The following CAPZA2 variants were observed in gnomAD, a reference collection of about 807,000 sequenced individuals.
CAPZA2 encodes F-actin-capping protein subunit alpha-2.
CAPZA2 carries 13 observed loss-of-function variants against 44.0 expected under a neutral mutation model. The observed-to-expected ratio is 0.30, with a 90% CI of 0.19 to 0.47. The LOEUF (loss-of-function observed/expected upper bound fraction) is 0.47, where lower values mean the gene tolerates loss of function less well. Among genes scored for constraint, CAPZA2 ranks in the 20% least tolerant of loss-of-function variants. The probability of loss-of-function intolerance (pLI) is 1.00; values close to 1 mark genes in which losing one functional copy is unlikely to be tolerated. For missense variants in CAPZA2, 244 were observed against 338.6 expected, an observed-to-expected ratio of 0.72 and a Z score of 2.19; for synonymous variants, 94 against 108.2, an observed-to-expected ratio of 0.87 and a Z score of 0.81.
chr7:116,872,672 C>T (rs904117512), intron 1 of CAPZA2, among the ~76,000 whole-genome samples: 1 of 152,140 alleles, frequency 6.6e-6, no homozygotes, highest in Admixed American at 6.5e-5. Flanking sequence ...TCTCAAAAGA[C>T]ATAGCCATTT....
intron 5 of CAPZA2, chr7:116,904,607 C>A: frequency 2.3e-6 from 1 of 441,866 alleles, no homozygotes; most frequent in East Asian, 3.8e-5. Flanking sequence ...GATTTAAATC[C>A]ATGTAGAAAT....
rs34989681 is a variant in CAPZA2, at chr7:116,921,380, C to CAA, written c.*3526_*3527dup. 75 of 135,950 alleles carry CAA rather than the reference C, an allele frequency of 5.5e-4. No individual in the cohort carries two copies. Among genetic ancestry groups the CAA allele is most frequent in the East Asian group, 2.8e-3 (13 of 4,712 alleles). 8.4% of individuals were successfully genotyped at this position (135,950 alleles called of 1,614,324 possible). A position where few individuals can be genotyped will look rare whatever the true frequency, so the allele number is the denominator to read the frequency against. ...CTGGCGACAGAGCGAGACTCTGTCC[C>CAA]AAAAAAAAAAAAAAGTGGTGGGCTG... On this transcript the variant is annotated 3_prime_UTR_variant, in exon 10 of 10. Coordinates refer to ENST00000361183, the MANE Select transcript of CAPZA2 (RefSeq NM_006136.3).
chr7:116,909,949 T>C (rs1415753629), intron 6 of CAPZA2: 3 of 386,818 alleles, frequency 7.8e-6, no homozygotes, highest in Non-Finnish European at 1.5e-5. Context: ...CAAACAGCAC[T>C]GCACACACAC....
intron 8 of CAPZA2, among the ~76,000 whole-genome samples, chr7:116,914,976 A>G (rs1395796482): frequency 6.6e-6 from 1 of 152,148 alleles, no homozygotes; most frequent in Admixed American, 6.5e-5. Flanking sequence ...GGAGTTTGAC[A>G]TTGAGCGAAG....
intron 1 of CAPZA2, chr7:116,874,599 T>G (rs888479760): frequency 3.9e-5 from 6 of 152,236 alleles, no homozygotes; most frequent in African/African-American, 1.2e-4. Flanking sequence ...GAAGGTGTTT[T>G]TCACTGCAGT....
At chr7:116,913,335 C>T (rs1791622010) in intron 8 of CAPZA2, among the ~76,000 whole-genome samples, 1 of 150,472 alleles carries the variant, frequency 6.6e-6, no homozygotes, top group African/African-American at 2.4e-5. Flanking sequence ...ATTGTCTACC[C>T]AAGGTCGTGG....
chr7:116,867,652 CGGCTCACTGCAA>C (rs1254939758), intron 1 of CAPZA2, among the ~76,000 whole-genome samples: 6 of 149,328 alleles, frequency 4.0e-5, no homozygotes, highest in African/African-American at 1.2e-4. Context: ...GGCACGATCT[CGGCTCACTGCAA>C]CCTCTGTCTC....
chr7:116,916,116 A>G lies in CAPZA2; in HGVS notation c.714A>G (p.Glu238=). 4 of 1,541,510 alleles carry G rather than the reference A, an allele frequency of 2.6e-6. No individual in the cohort carries two copies. Among genetic ancestry groups the G allele is most frequent in the Non-Finnish European group, 3.5e-6 (4 of 1,150,274 alleles). The change falls in exon 9 of 10, where the codon GAA becomes GAG. Residue 238 remains glutamate, a synonymous_variant. Coordinates refer to ENST00000361183, the MANE Select transcript of CAPZA2 (RefSeq NM_006136.3). ...FIKIVEAAEN[E]YQTAISENYQ... ...AGATTGTAGAAGCTGCAGAAAATGA[A>G]TACCAGGTATGATTTTTTAAATATT...
At chr7:116,890,557 TATATATATATA>T (rs1796826054) in intron 2 of CAPZA2, among the ~76,000 whole-genome samples, 1 of 14,314 alleles carries the variant, frequency 7.0e-5, no homozygotes, top group Non-Finnish European at 1.4e-4. Flanking sequence ...TATATATATA[TATATATATATA>T]CACATATATA....
At chr7:116,907,252 C>T (rs762068182) in intron 6 of CAPZA2, among the ~76,000 whole-genome samples, 4 of 152,158 alleles carry the variant, frequency 2.6e-5, no homozygotes, top group Non-Finnish European at 4.4e-5. Flanking sequence ...TGGAGGAATG[C>T]AGATCCATCA....
intron 7 of CAPZA2, among the ~76,000 whole-genome samples, chr7:116,910,696 T>C (rs1006138703): frequency 2.0e-5 from 3 of 152,110 alleles, no homozygotes; most frequent in African/African-American, 7.2e-5. Context: ...ATAAATATAT[T>C]GTATGCATGT....
chr7:116,883,684 A>C (rs987077047), intron 1 of CAPZA2, among the ~76,000 whole-genome samples: 2 of 152,228 alleles, frequency 1.3e-5, no homozygotes, highest in Non-Finnish European at 2.9e-5. Flanking sequence ...TTAGTGCAAC[A>C]GCAAGGGCAA....
chr7:116,868,575 G>T (rs940227263), intron 1 of CAPZA2, among the ~76,000 whole-genome samples: 4 of 152,058 alleles, frequency 2.6e-5, no homozygotes, highest in East Asian at 3.9e-4. Context: ...TGTACTAAAA[G>T]TACAAAAAAT....
In CAPZA2 at chr7:116,904,167, A is replaced by T. The variant is rs751479961; in HGVS notation, c.220-10A>T. On this transcript the variant is annotated splice_polypyrimidine_tract_variant and intron_variant, in intron 4 of 9. Transcript: ENST00000361183. The stretch of plus-strand genomic sequence containing the variant: ...TTTATTTTTTTTCTAAATTCATTCC[A>T]TCATCAAAGGTATTGATAACAGAAC... The T allele has an allele frequency of 1.3e-5, 20 of 1,536,264 alleles. No individual in the cohort carries two copies. Among genetic ancestry groups the T allele is most frequent in the Non-Finnish European group, 1.8e-5 (20 of 1,120,022 alleles).
intron 8 of CAPZA2, among the ~76,000 whole-genome samples, chr7:116,915,016 G>A (rs115370124): frequency 0.055 from 8,382 of 152,128 alleles, 796 homozygotes; most frequent in African/African-American, 0.19. Flanking sequence ...GGTGGCTCAC[G>A]TCTGTAATCC....
chr7:116,910,967 G>A (rs915660728), intron 7 of CAPZA2, among the ~76,000 whole-genome samples: 7 of 147,792 alleles, frequency 4.7e-5, no homozygotes, highest in Non-Finnish European at 3.0e-5. Flanking sequence ...CTCCAGCCTG[G>A]GCGACAGAAC....
intron 1 of CAPZA2, 27 bp from the exon 2 acceptor site, chr7:116,888,100 A>C (rs1189636144): frequency 3.9e-6 from 6 of 1,541,582 alleles, no homozygotes; most frequent in Non-Finnish European, 5.4e-6. Context: ...GTGATATGGA[A>C]CATTTATATC....
intron 8 of CAPZA2, among the ~76,000 whole-genome samples, chr7:116,915,044 G>A (rs1378878327): frequency 6.6e-6 from 1 of 152,144 alleles, no homozygotes; most frequent in Non-Finnish European, 1.5e-5. Flanking sequence ...TCGGGAAGCT[G>A]AGGTAGGTGG....
intron 8 of CAPZA2, among the ~76,000 whole-genome samples, chr7:116,913,769 A>ATT (rs10717939): frequency 1.7e-4 from 15 of 87,706 alleles, no homozygotes; most frequent in East Asian, 1.0e-3. Flanking sequence ...CACCCAGCTA[A>ATT]TTTTTTTTTT....
Sources: gnomAD v4.1 joint callset for allele counts (sites outside exome capture counted in the v4.1 genomes callset) on GRCh38, gnomAD v4.1.1 for gene constraint, MANE v1.5 for transcripts, NCBI Gene and HGNC (gene_info 2026-07-23, HGNC 2026-07-21) for gene names.